Variants in REV1 observed in about 807,000 individuals in gnomAD.
The protein encoded by REV1 is REV1 DNA directed polymerase, also known as translesion synthesis protein REV1.
REV1 carries 42 observed loss-of-function variants against 137.4 expected under a neutral mutation model. The observed-to-expected ratio is 0.31, with a 90% CI of 0.24 to 0.40. REV1 has a LOEUF of 0.40. Ranked by LOEUF, REV1 falls within the 10% of genes least tolerant of loss-of-function variation. The pLI is 1.00. For missense variants in REV1, 1,282 were observed against 1,490.1 expected (o/e 0.86, Z 2.30); for synonymous variants, 524 against 519.2 (o/e 1.01, Z -0.12).
chr2:99,476,167 T>C (rs1023292098), intron 1 of REV1, among the ~76,000 whole-genome samples: 4 of 152,218 alleles, frequency 2.6e-5, no homozygotes, highest in Admixed American at 2.6e-4. Context: ...CCCAAACAGA[T>C]GTTTGGCCTT....
At chr2:99,408,257 GTGAA>G (rs1676619798) in intron 14 of REV1, 126 bp from the exon 15 acceptor site, 1 of 473,200 alleles carries the variant, frequency 2.1e-6, no homozygotes, top group Admixed American at 4.0e-5. Flanking sequence ...GATTATAAAA[GTGAA>G]TGCCATAGTC....
rs1559288208 is a variant in REV1, at chr2:99,408,040, C to G, written c.2437G>C (p.Asp813His). The change falls in exon 15 of 23, where the codon GAT becomes CAT. Residue 813 changes from aspartate (D) to histidine (H), a missense_variant. Physicochemically the swap from Asp to His is moderately conservative, Grantham distance 81. This residue lies in a region of REV1 where 372 missense variants were observed against 482.3 expected (regional missense o/e 0.77). Transcript: ENST00000258428. Reference protein sequence around the residue: ...MFHTMKLNISDMRGVGIHVNQ... With the variant: ...MFHTMKLNISHMRGVGIHVNQ... The stretch of plus-strand genomic sequence containing the variant: ...TACTATATACTTACCCCTCTCATAT[C>G]TGATATATTTAGTTTCATTGTATGA... 6.3e-7 allele frequency: 1 copy of G among 1,577,158 alleles called. No individual in the cohort carries two copies. Among genetic ancestry groups the G allele is most frequent in the Admixed American group, 1.7e-5 (1 of 57,252 alleles).
chr2:99,467,324 G>T (rs1261240358), intron 1 of REV1, among the ~76,000 whole-genome samples: 2 of 150,954 alleles, frequency 1.3e-5, no homozygotes, highest in African/African-American at 4.9e-5. Context: ...AACTATTCCA[G>T]ACAAATGTTT....
At chr2:99,467,520 C>A (rs1355328626) in intron 1 of REV1, among the ~76,000 whole-genome samples, 1 of 152,140 alleles carries the variant, frequency 6.6e-6, no homozygotes, top group Admixed American at 6.5e-5. Context: ...CTTCCCCAAA[C>A]CAGATTATTT....
chr2:99,442,376 G>A lies in REV1; in HGVS notation c.444C>T (p.Cys148=). 6.2e-7 allele frequency: 1 copy of A among 1,613,208 alleles called. No individual in the cohort carries two copies. Among genetic ancestry groups the A allele is most frequent in the Admixed American group, 1.7e-5 (1 of 59,948 alleles). The change falls in exon 5 of 23, where the codon TGC becomes TGT. Residue 148 remains cysteine (C), a synonymous_variant. Transcript: ENST00000258428. ...VQKGLSFNPV[C]RPEDPLPGPS... The stretch of plus-strand genomic sequence containing the variant: ...GACCTGGCAGAGGATCCTCAGGTCT[G>A]CATACAGGATTAAAGCTGAGACCTT...
chr2:99,452,961 A>G (rs1475147241), intron 3 of REV1, among the ~76,000 whole-genome samples: 1 of 152,262 alleles, frequency 6.6e-6, no homozygotes, highest in Non-Finnish European at 1.5e-5. Flanking sequence ...TCAGAACCTC[A>G]GTTTCCTCAC....
intron 1 of REV1, among the ~76,000 whole-genome samples, chr2:99,473,384 AG>A (rs1685630124): frequency 1.3e-5 from 2 of 151,598 alleles, no homozygotes; most frequent in South Asian, 2.1e-4. Context: ...AAAAAAGAAA[AG>A]AAAAGAAAAG....
At chr2:99,436,684 G>GA (rs1332209631) in intron 6 of REV1, 2 of 152,224 alleles carry the variant, frequency 1.3e-5, no homozygotes, top group African/African-American at 2.4e-5. Flanking sequence ...GAGCTACAAA[G>GA]AGATTCATCA....
At chr2:99,431,415 A>G (rs1429109772) in intron 8 of REV1, among the ~76,000 whole-genome samples, 2 of 152,262 alleles carry the variant, frequency 1.3e-5, no homozygotes, top group East Asian at 3.9e-4. Flanking sequence ...TTAATAGTCC[A>G]TTCATCTAAG....
chr2:99,421,144 CAGAGAGTAACA>C (rs1559315408), intron 11 of REV1, among the ~76,000 whole-genome samples: 1 of 151,988 alleles, frequency 6.6e-6, no homozygotes, highest in Admixed American at 6.6e-5. Context: ...GGCTGAAGTG[CAGAGAGTAACA>C]AGACTCAGAC....
chr2:99,447,426 T>TC (rs1483066626), intron 4 of REV1, among the ~76,000 whole-genome samples: 2 of 152,218 alleles, frequency 1.3e-5, no homozygotes, highest in African/African-American at 2.4e-5. Context: ...TGCCTTGGCC[T>TC]CCCAAAGTGC....
chr2:99,403,298 C>T, intron 19 of REV1, 192 bp from the exon 20 acceptor site: 2 of 598,834 alleles, frequency 3.3e-6, no homozygotes, highest in South Asian at 4.3e-5. Flanking sequence ...TTTGCTTTGC[C>T]ACTTACTAAT....
intron 19 of REV1, 154 bp from the exon 20 acceptor site, chr2:99,403,260 C>G (rs1049446465): frequency 2.5e-5 from 16 of 644,374 alleles, no homozygotes; most frequent in Non-Finnish European, 1.1e-5. Context: ...ATGGCAATGG[C>G]CCAAAGTACA....
intron 3 of REV1, among the ~76,000 whole-genome samples, chr2:99,462,165 G>A (rs1021166921): frequency 6.6e-6 from 1 of 152,080 alleles, no homozygotes; most frequent in African/African-American, 2.4e-5. Context: ...AAGGACCTAT[G>A]GACAATGACA....
In REV1 at chr2:99,438,727, T is replaced by A; in HGVS notation, c.1087A>T (p.Met363Leu). The A allele has an allele frequency of 1.2e-6, 2 of 1,614,014 alleles. No individual in the cohort carries two copies. Among genetic ancestry groups the A allele is most frequent in the East Asian group, 4.5e-5 (2 of 44,884 alleles). ...AACTCAGTCAATTCACACTTCCACATTGATATGTGATGCAGTCTTGAATGA... is the reference window on the plus strand; with the variant it reads ...AACTCAGTCAATTCACACTTCCACAATGATATGTGATGCAGTCTTGAATGA... ...YSHSRLHHISMWKCELTEFVN... is the reference protein window; with the variant it reads ...YSHSRLHHISLWKCELTEFVN... Residue 363 changes from methionine to leucine, a missense_variant, in exon 6 of 23, where the codon ATG (methionine) becomes TTG (leucine). This residue lies in a region of REV1 where 432 missense variants were observed against 438.0 expected (regional missense o/e 0.99). Coordinates refer to ENST00000258428, the MANE Select transcript of REV1 (RefSeq NM_016316.4).
At chr2:99,479,610 C>T (rs775766207) in intron 1 of REV1, among the ~76,000 whole-genome samples, 4 of 151,628 alleles carry the variant, frequency 2.6e-5, no homozygotes, top group Non-Finnish European at 5.9e-5. Flanking sequence ...AGCAACACAG[C>T]AAGACCTCAT....
chr2:99,423,669 CTA>C (rs890801154), intron 10 of REV1, among the ~76,000 whole-genome samples: 2 of 152,104 alleles, frequency 1.3e-5, no homozygotes, highest in African/African-American at 4.8e-5. Flanking sequence ...CATTTTGAAA[CTA>C]TTATTAAAGA....
At chr2:99,402,588 A>C in intron 21 of REV1, 56 bp downstream of exon 21, 1 of 1,530,722 alleles carries the variant, frequency 6.5e-7, no homozygotes, top group African/African-American at 1.4e-5. Context: ...TTATGTTCTC[A>C]AATCATGAGA....
chr2:99,452,574 T>C (rs1683053848), intron 3 of REV1, among the ~76,000 whole-genome samples: 1 of 144,276 alleles, frequency 6.9e-6, no homozygotes, highest in Non-Finnish European at 1.5e-5. Context: ...GCACTGATAA[T>C]CTGAAATTAC....
Sources: gnomAD v4.1 joint callset for allele counts (sites outside exome capture counted in the v4.1 genomes callset) on GRCh38, gnomAD v4.1.1 for gene constraint, gnomAD v4.1.1 regional missense constraint, MANE v1.5 for transcripts, NCBI Gene and HGNC (gene_info 2026-07-23, HGNC 2026-07-21) for gene names.